The following TRIM54 variants were observed in gnomAD, a reference collection of about 807,000 sequenced individuals.
TRIM54 encodes tripartite motif containing 54.
In TRIM54, 40 loss-of-function variants were observed where a neutral mutation model predicts 42.0. The observed-to-expected ratio is 0.95, with a 90% CI of 0.74 to 1.24. The LOEUF is 1.24. Ranked by LOEUF, TRIM54 falls within the 50% of genes most tolerant of loss-of-function variation. TRIM54 has a pLI of 0.00. For synonymous variants in TRIM54, 199 were observed against 194.9 expected (o/e 1.02, Z -0.17); for missense variants, 485 against 480.3 (o/e 1.01, Z -0.09).
intron 1 of TRIM54, among the ~76,000 whole-genome samples, chr2:27,291,718 A>G (rs2148192458): frequency 6.6e-6 from 1 of 152,356 alleles, no homozygotes; most frequent in Middle Eastern, 3.4e-3. Flanking sequence ...TAGCAAAGGA[A>G]GTGGGGTTAG....
Position 27,305,678 on chromosome 2 carries a change from T to A in TRIM54, c.704T>A (p.Leu235Gln). Reference protein sequence around the residue: ...EERKGELLQALAREQEEKLQR... With the variant: ...EERKGELLQAQAREQEEKLQR... The stretch of plus-strand genomic sequence containing the variant: ...CGCAAGGGTGAGCTGCTGCAGGCGC[T>A]GGCCCGGGAGCAAGAGGAGAAGCTG... Residue 235 changes from leucine (L) to glutamine (Q), a missense_variant, in exon 5 of 9, where the codon CTG (leucine) becomes CAG (glutamine). Coordinates refer to ENST00000380075, the MANE Select transcript of TRIM54 (RefSeq NM_187841.3). 1.8e-5 allele frequency: 29 copies of A among 1,613,322 alleles called. No homozygotes were observed. Among genetic ancestry groups the A allele is most frequent in the Non-Finnish European group, 2.5e-5 (29 of 1,179,790 alleles).
At chr2:27,295,699 C>T (rs1410525208) in intron 1 of TRIM54, among the ~76,000 whole-genome samples, 1 of 152,106 alleles carries the variant, frequency 6.6e-6, no homozygotes, top group South Asian at 2.1e-4. Context: ...TTGGGGAGAG[C>T]GGCTGCCCAA....
At chr2:27,299,545 C>T in intron 3 of TRIM54, 129 bp downstream of exon 3, 1 of 1,533,580 alleles carries the variant, frequency 6.5e-7, no homozygotes, top group Non-Finnish European at 8.7e-7. Context: ...GGATCTCACT[C>T]TGTTGCCCAG....
chr2:27,297,720 C>A (rs1443508766), intron 1 of TRIM54, among the ~76,000 whole-genome samples: 1 of 152,164 alleles, frequency 6.6e-6, no homozygotes, highest in African/African-American at 2.4e-5. Context: ...TGGCTTACGC[C>A]TATAATCCCA....
Position 27,306,664 on chromosome 2 carries a change from C to A in TRIM54, c.*1+122C>A. On this transcript the variant is annotated intron_variant, in intron 8 of 8. Transcript: ENST00000380075. This position sits in a 1 kb window ranked among gnomAD's most constrained non-coding sequence, Gnocchi z 6.1. ...CCTCCCTGCGGGTAGCGTGGAGCCC[C>A]CACTCCTCGGTGCAACCCAACCCCG... The A allele has an allele frequency of 9.2e-7, 1 of 1,089,680 alleles. No homozygotes were observed. 67.5% of individuals were successfully genotyped at this position (1,089,680 alleles called of 1,614,324 possible).
intron 4 of TRIM54, 59 bp from the exon 5 acceptor site, chr2:27,305,525 C>T: frequency 6.9e-7 from 1 of 1,441,990 alleles, no homozygotes; most frequent in Non-Finnish European, 9.5e-7. Context: ...GTACCCTGTG[C>T]TTTCCCAGCC....
chr2:27,299,608 T>G (rs1467327591), intron 3 of TRIM54, 192 bp downstream of exon 3: 1 of 1,243,236 alleles, frequency 8.0e-7, no homozygotes, highest in Admixed American at 2.0e-5. Context: ...TCTCCCGAGC[T>G]CAAGTGATCC....
At chr2:27,301,222 C>T (rs1444787462) in intron 3 of TRIM54, among the ~76,000 whole-genome samples, 2 of 151,362 alleles carry the variant, frequency 1.3e-5, no homozygotes, top group Non-Finnish European at 2.9e-5. Context: ...TCACTACAAC[C>T]TCCGCCTCCC....
At chr2:27,290,256 A>G (rs951365330) in intron 1 of TRIM54, among the ~76,000 whole-genome samples, 1 of 152,220 alleles carries the variant, frequency 6.6e-6, no homozygotes, top group African/African-American at 2.4e-5. Context: ...CTTTGGAAAC[A>G]CTGGAATATA....
At chr2:27,304,079 T>C (rs377390304) in intron 3 of TRIM54, among the ~76,000 whole-genome samples, 4 of 150,534 alleles carry the variant, frequency 2.7e-5, no homozygotes, top group African/African-American at 9.8e-5. Flanking sequence ...GGACGTGGTG[T>C]CATGCGCCTG....
chr2:27,290,231 C>T (rs1333773298), intron 1 of TRIM54, among the ~76,000 whole-genome samples: 1 of 151,994 alleles, frequency 6.6e-6, no homozygotes, highest in Non-Finnish European at 1.5e-5. Context: ...CCAGAGGGGA[C>T]AATAATGAAG....
intron 4 of TRIM54, chr2:27,305,255 C>A: frequency 3.3e-6 from 2 of 599,930 alleles, no homozygotes; most frequent in South Asian, 2.0e-5. Context: ...AGTTATTTAA[C>A]TTCTCTGTGC....
At chr2:27,286,535 C>G (rs1037621293) in intron 1 of TRIM54, among the ~76,000 whole-genome samples, 3 of 152,174 alleles carry the variant, frequency 2.0e-5, no homozygotes, top group Non-Finnish European at 4.4e-5. Context: ...CCATGTGTTT[C>G]TGTATTTGTA....
rs771846223 is a variant in TRIM54 at position 27,299,440 on chromosome 2, A to G, written c.513+24A>G. On this transcript the variant is annotated intron_variant, in intron 3 of 8. Transcript: ENST00000380075. ...AGGTATCAAACAGGGGAGGGAGTAGATATGTGAGAGATGGGGGCTTAGGAC... is the reference window on the plus strand; with the variant it reads ...AGGTATCAAACAGGGGAGGGAGTAGGTATGTGAGAGATGGGGGCTTAGGAC... The G allele has an allele frequency of 1.6e-5, 25 of 1,610,422 alleles. No homozygotes were observed. The South Asian group carries it at 2.6e-4, about 17-fold the overall frequency.
chr2:27,282,666 G>A lies in TRIM54; in HGVS notation c.-66G>A. On this transcript the variant is annotated 5_prime_UTR_variant, in exon 1 of 9. Transcript: ENST00000380075. ...GGAATCCAGAGGCCATCTAAGCGAG[G>A]AAGGGTCTACAGGCAGTGAGTGAAG... 2 of 1,511,386 alleles carry A rather than the reference G, an allele frequency of 1.3e-6. No individual in the cohort carries two copies. The highest frequency in any genetic ancestry group is 1.8e-6 in the Non-Finnish European group (2 of 1,128,308). 93.6% of individuals were successfully genotyped at this position (1,511,386 alleles called of 1,614,324 possible).
intron 1 of TRIM54, among the ~76,000 whole-genome samples, chr2:27,294,586 G>T (rs1678812674): frequency 6.6e-6 from 1 of 151,948 alleles, no homozygotes; most frequent in Non-Finnish European, 1.5e-5. Flanking sequence ...CTTGAAATGG[G>T]GCTAAGACTA....
chr2:27,299,361 G>T lies in TRIM54; in HGVS notation c.458G>T (p.Gly153Val). Residue 153 changes from glycine (G) to valine (V), a missense_variant, in exon 3 of 9, where the codon GGT (glycine) becomes GTT (valine). By Grantham distance (109) the Gly-to-Val change is moderately radical. Transcript: ENST00000380075. ...VPTCSLCKVF[G>V]AHKDCEVAPL... ...ACCTGCTCTCTCTGCAAGGTCTTCG[G>T]TGCCCACAAGGACTGTGAGGTGGCC... 6.2e-7 allele frequency: 1 copy of T among 1,614,048 alleles called. No homozygotes were observed. Among genetic ancestry groups the T allele is most frequent in the East Asian group, 2.2e-5 (1 of 44,876 alleles).
intron 3 of TRIM54, among the ~76,000 whole-genome samples, chr2:27,304,142 G>A (rs1018534950): frequency 1.3e-5 from 2 of 151,770 alleles, no homozygotes; most frequent in Admixed American, 1.3e-4. Context: ...AGCCTGGAAG[G>A]TCGAGGCTGC....
At chr2:27,286,739 G>A (rs533883684) in intron 1 of TRIM54, among the ~76,000 whole-genome samples, 2 of 152,330 alleles carry the variant, frequency 1.3e-5, no homozygotes, top group South Asian at 4.1e-4. Flanking sequence ...ACTTGCAGAG[G>A]GGGGATTGTC....
Sources: gnomAD v4.1 joint callset for allele counts (sites outside exome capture counted in the v4.1 genomes callset) on GRCh38, gnomAD v4.1.1 for gene constraint, Gnocchi (gnomAD v3.1) non-coding constraint, MANE v1.5 for transcripts, NCBI Gene and HGNC (gene_info 2026-07-23, HGNC 2026-07-21) for gene names.